Variants in ERC1 observed in about 807,000 individuals in gnomAD.
The protein encoded by ERC1 is ELKS/RAB6-interacting/CAST family member 1, also known as RAB6 interacting protein 2.
A neutral mutation model predicts 132.0 loss-of-function variants in ERC1; 56 were observed. That is an observed-to-expected ratio of 0.42 (90% CI 0.34 to 0.53). The LOEUF is 0.53. Ranked by LOEUF, ERC1 falls within the 20% of genes least tolerant of loss-of-function variation. The pLI, the probability that ERC1 is intolerant of heterozygous loss-of-function variation, is 0.03. For synonymous variants in ERC1, 478 were observed against 476.1 expected (o/e 1.00, Z -0.05); for missense variants, 1,202 against 1,349.9 (o/e 0.89, Z 1.72).
intron 14 of ERC1, among the ~76,000 whole-genome samples, chr12:1,265,649 T>C (rs2077433099): frequency 6.6e-6 from 1 of 152,238 alleles, no homozygotes; most frequent in Admixed American, 6.5e-5. Context: ...AAATGTATAA[T>C]GACATGCATC....
Position 1,056,071 on chromosome 12 carries a change from CTTTT to C in ERC1, c.670-27083_670-27080del, listed in dbSNP as rs746163650. On this transcript the variant is annotated intron_variant, in intron 2 of 18. Transcript: ENST00000360905. ...CATTAATTGTTACTTTTATTGTAGC[CTTTT>C]TTTTTTTTTAAAAAAAAGGTGAATG... Among the ~76,000 whole-genome samples the C allele has an allele frequency of 8.4e-3, 1,159 of 138,192 alleles. 18 individuals carry two copies. Among genetic ancestry groups the C allele is most frequent in the African/African-American group, 0.026 (1,002 of 38,068 alleles). The allele number at this position is 138,192 out of a possible 152,430, so 90.7% of individuals were successfully genotyped here. A position where few individuals can be genotyped will look rare whatever the true frequency, so the allele number is the denominator to read the frequency against.
At chr12:1,442,892 A>G (rs2093196648) in intron 17 of ERC1, among the ~76,000 whole-genome samples, 2 of 152,132 alleles carry the variant, frequency 1.3e-5, no homozygotes, top group Admixed American at 6.6e-5. Context: ...AAATGTTACA[A>G]ATGATTACTT....
chr12:1,423,031 C>T (rs1195382073), intron 17 of ERC1, among the ~76,000 whole-genome samples: 1 of 152,162 alleles, frequency 6.6e-6, no homozygotes, highest in African/African-American at 2.4e-5. Context: ...AAGGCAGCTC[C>T]AATGCCCTGA....
At chr12:1,023,820 G>GTATT (rs1385635763) in intron 1 of ERC1, among the ~76,000 whole-genome samples, 1 of 152,136 alleles carries the variant, frequency 6.6e-6, no homozygotes. Flanking sequence ...GAAACAAGAT[G>GTATT]TATTATAGAC....
intron 18 of ERC1, among the ~76,000 whole-genome samples, chr12:1,479,788 G>C (rs895106290): frequency 3.3e-5 from 5 of 152,136 alleles, no homozygotes; most frequent in African/African-American, 4.8e-5. Flanking sequence ...GTGGAACCCT[G>C]CTCGCCTGGA....
chr12:1,081,552 A>G (rs963438095), intron 2 of ERC1, among the ~76,000 whole-genome samples: 3 of 152,198 alleles, frequency 2.0e-5, no homozygotes, highest in Non-Finnish European at 4.4e-5. Flanking sequence ...TGCCAGCTCT[A>G]TCACTTACTC....
intron 15 of ERC1, among the ~76,000 whole-genome samples, chr12:1,305,882 A>G (rs961038817): frequency 3.3e-5 from 5 of 152,054 alleles, no homozygotes; most frequent in African/African-American, 1.2e-4. Context: ...GCCATTGCTT[A>G]TGGGATGGGA....
Position 1,028,227 on chromosome 12 carries a change from T to G in ERC1, c.324T>G (p.Gly108=). 1 of 1,614,052 alleles carries G rather than the reference T, an allele frequency of 6.2e-7. No homozygotes were observed. The highest frequency in any genetic ancestry group is 8.5e-7 in the Non-Finnish European group (1 of 1,180,012). ...ACGGTGTTCGGATGACTGCTATGGGTAGTAGCCCCAATATAGCTAGCAGTG... is the reference window on the plus strand; with the variant it reads ...ACGGTGTTCGGATGACTGCTATGGGGAGTAGCCCCAATATAGCTAGCAGTG... ...LPYGVRMTAM[G]SSPNIASSGV... Residue 108 remains glycine (G), a synonymous_variant, in exon 2 of 19, where the codon GGT becomes GGG. Transcript: ENST00000360905.
chr12:1,247,713 C>G (rs991212961), intron 13 of ERC1, among the ~76,000 whole-genome samples: 2 of 152,146 alleles, frequency 1.3e-5, no homozygotes, highest in Admixed American at 1.3e-4. Flanking sequence ...TGTAGCTGAT[C>G]AGGCCGGGCA....
chr12:1,110,364 C>T lies in ERC1; in HGVS notation c.1317+17C>T. 1 of 1,570,184 alleles carries T rather than the reference C, an allele frequency of 6.4e-7. No homozygotes were observed. Among genetic ancestry groups the T allele is most frequent in the Non-Finnish European group, 8.6e-7 (1 of 1,160,044 alleles). On this transcript the variant is annotated intron_variant, in intron 5 of 18. Transcript: ENST00000360905. ...AAAAATAAGGTAATGGCATGTGAGA[C>T]TTTTGATTCTTAAAAGGAGTTTGAA...
chr12:1,251,130 T>C (rs2076446310), intron 13 of ERC1, among the ~76,000 whole-genome samples: 2 of 152,160 alleles, frequency 1.3e-5, no homozygotes. Context: ...TTTTTTCCTT[T>C]CTGAGAATGA....
chr12:1,115,576 T>C lies in ERC1; in HGVS notation c.1402-290T>C, dbSNP rs572387380. 14 of 297,682 alleles carry C rather than the reference T, an allele frequency of 4.7e-5. No individual in the cohort carries two copies. In the East Asian group the frequency reaches 9.8e-4, roughly 21 times the overall value. 18.4% of individuals were successfully genotyped at this position (297,682 alleles called of 1,614,324 possible). On this transcript the variant is annotated intron_variant, in intron 6 of 18. Coordinates refer to ENST00000360905, the MANE Select transcript of ERC1 (RefSeq NM_178040.4). Reference sequence around the variant, plus strand: ...GCTGTCTCATAGTCATCTAATTGAATTGGAATTTCCTTTCCCTCCATTCCC... The same window carrying C: ...GCTGTCTCATAGTCATCTAATTGAACTGGAATTTCCTTTCCCTCCATTCCC...
chr12:1,311,614 T>A (rs2081311189), intron 15 of ERC1, among the ~76,000 whole-genome samples: 1 of 152,136 alleles, frequency 6.6e-6, no homozygotes, highest in Non-Finnish European at 1.5e-5. Flanking sequence ...GTATGTGAAG[T>A]GGTAATAGTT....
intron 4 of ERC1, among the ~76,000 whole-genome samples, chr12:1,107,700 G>T (rs1444630429): frequency 1.3e-5 from 2 of 152,204 alleles, no homozygotes; most frequent in African/African-American, 2.4e-5. Context: ...AAATGGGCAG[G>T]AGTGATGGAG....
At chr12:1,400,366 G>T (rs760427335) in intron 16 of ERC1, among the ~76,000 whole-genome samples, 3 of 151,932 alleles carry the variant, frequency 2.0e-5, no homozygotes, top group African/African-American at 7.3e-5. Flanking sequence ...CCATCCTGTC[G>T]TTCTCTTTTC....
At chr12:1,079,178 T>C (rs1324593085) in intron 2 of ERC1, among the ~76,000 whole-genome samples, 1 of 147,220 alleles carries the variant, frequency 6.8e-6, no homozygotes, top group African/African-American at 2.5e-5. Context: ...ATAGAAATGA[T>C]TTGTAATATG....
At chr12:1,201,862 A>G (rs900090616) in intron 12 of ERC1, among the ~76,000 whole-genome samples, 41 of 152,324 alleles carry the variant, frequency 2.7e-4, no homozygotes, top group African/African-American at 9.1e-4. Context: ...TGCATCTTCA[A>G]TCCATGAAGT....
chr12:1,387,825 A>G (rs1310628228), intron 16 of ERC1, among the ~76,000 whole-genome samples: 1 of 152,192 alleles, frequency 6.6e-6, no homozygotes, highest in African/African-American at 2.4e-5. Context: ...TTCTTACGGC[A>G]GCTCCAGGAA....
chr12:1,380,129 A>G (rs1039237435), intron 16 of ERC1: 1 of 152,236 alleles, frequency 6.6e-6, no homozygotes, highest in East Asian at 1.9e-4. Context: ...AGATCAGACA[A>G]CAAAGCAGAA....
Sources: allele counts gnomAD v4.1 joint callset (sites outside exome capture counted in the v4.1 genomes callset), GRCh38; gene constraint gnomAD v4.1.1; transcripts MANE v1.5; gene names NCBI Gene and HGNC (gene_info 2026-07-23, HGNC 2026-07-21).